ACSS3: variants seen among roughly 807,000 people sequenced by gnomAD.
The protein encoded by ACSS3 is acyl-CoA synthetase short chain family member 3, also known as acyl-CoA synthetase short-chain family member 3, mitochondrial.
A neutral mutation model predicts 84.2 loss-of-function variants in ACSS3; 64 were observed. That is an observed-to-expected ratio of 0.76 (90% confidence interval 0.62 to 0.94). ACSS3 has a LOEUF of 0.94. ACSS3 is among the 40% of genes least tolerant of loss of function. The pLI, the probability that ACSS3 is intolerant of heterozygous loss-of-function variation, is 0.00. For missense variants in ACSS3, 815 were observed against 867.6 expected (o/e 0.94, Z 0.76); for synonymous variants, 317 against 310.1 (o/e 1.02, Z -0.23).
chr12:81,144,852 T>C (rs1291866850), intron 5 of ACSS3, among the ~76,000 whole-genome samples: 5 of 151,740 alleles, frequency 3.3e-5, no homozygotes, highest in Non-Finnish European at 7.4e-5. Context: ...TGAAAAGTGG[T>C]TCCAAATAAG....
At chr12:81,141,691 A>T (rs1256252804) in intron 4 of ACSS3, among the ~76,000 whole-genome samples, 1 of 152,132 alleles carries the variant, frequency 6.6e-6, no homozygotes, top group African/African-American at 2.4e-5. Context: ...TGTGATCCTC[A>T]ATTTGATGTT....
In ACSS3 at chr12:81,174,956, C is replaced by T. The variant is rs374493855; in HGVS notation, c.1250+17C>T. The T allele has an allele frequency of 1.9e-6, 3 of 1,611,622 alleles. No individual in the cohort carries two copies. The highest frequency in any genetic ancestry group is 2.5e-6 in the Non-Finnish European group (3 of 1,178,538). The stretch of plus-strand genomic sequence containing the variant: ...TCTGACAAGGTGACGTTGGGATGCA[C>T]AGGGCAAATGACATTAGAAAGTGCA... On this transcript the variant is annotated intron_variant, in intron 8 of 15. Transcript: ENST00000548058.
chr12:81,223,440 C>CT (rs2033175078), intron 11 of ACSS3, among the ~76,000 whole-genome samples: 1 of 152,048 alleles, frequency 6.6e-6, no homozygotes. Context: ...TTCTTTTCAT[C>CT]TGGGTATCCT....
Position 81,152,011 on chromosome 12 carries a change from C to A in ACSS3, c.1013C>A (p.Ala338Glu), listed in dbSNP as rs766634948. 2 of 1,613,460 alleles carry A rather than the reference C, an allele frequency of 1.2e-6. No homozygotes were observed. Among genetic ancestry groups the A allele is most frequent in the Non-Finnish European group, 1.7e-6 (2 of 1,179,708 alleles). ...YGLQPGEVWW[A>E]ASDLGWVVGH... is the part of the protein sequence containing the mutation. The stretch of plus-strand genomic sequence containing the variant: ...TATCTTATTTTTTAGGTGTGGTGGG[C>A]AGCTTCTGACTTAGGCTGGGTTGTT... Residue 338 changes from alanine to glutamate, a missense_variant, in exon 7 of 16, where the codon GCA (alanine) becomes GAA (glutamate). Transcript: ENST00000548058.
chr12:81,192,464 C>A (rs1462308707), intron 8 of ACSS3, among the ~76,000 whole-genome samples: 1 of 152,162 alleles, frequency 6.6e-6, no homozygotes, highest in Non-Finnish European at 1.5e-5. Flanking sequence ...AATATCCCCA[C>A]AGAGTGGTTC....
At chr12:81,198,538 C>G (rs2031950298) in intron 8 of ACSS3, among the ~76,000 whole-genome samples, 1 of 151,114 alleles carries the variant, frequency 6.6e-6, no homozygotes, top group Non-Finnish European at 1.5e-5. Flanking sequence ...TCTTTGAACA[C>G]ACACACACAC....
In ACSS3 at chr12:81,231,313, G is replaced by A. The variant is rs761792910; in HGVS notation, c.1596+175G>A. ...GCCCAACTCATAATTATCTAAATAC[G>A]TCAATTTTATAGTTATTGTCAGTCT... On this transcript the variant is annotated intron_variant, in intron 12 of 15. Transcript: ENST00000548058. 4.0e-5 allele frequency among the ~76,000 whole-genome samples: 6 copies of A among 151,738 alleles called. 1 individual carries two copies. The highest frequency in any genetic ancestry group is 3.9e-4 in the East Asian group (2 of 5,134).
intron 8 of ACSS3, among the ~76,000 whole-genome samples, chr12:81,189,757 T>C (rs146164552): frequency 1.4e-3 from 215 of 152,278 alleles, no homozygotes; most frequent in African/African-American, 4.9e-3. Flanking sequence ...ATTTAAGACA[T>C]AGGTGTTTTT....
chr12:81,137,172 C>T (rs565510417), intron 3 of ACSS3, among the ~76,000 whole-genome samples: 2 of 150,172 alleles, frequency 1.3e-5, no homozygotes, highest in African/African-American at 4.9e-5. Flanking sequence ...TGAGTTAATG[C>T]CTATGAAGAA....
chr12:81,222,949 A>T (rs1324580593), intron 11 of ACSS3, among the ~76,000 whole-genome samples: 1 of 152,056 alleles, frequency 6.6e-6, no homozygotes, highest in Non-Finnish European at 1.5e-5. Context: ...TTAATTTAGT[A>T]AGAAAGTTAA....
In ACSS3 at chr12:81,179,725, C is replaced by T. The variant is rs559354786; in HGVS notation, c.1250+4786C>T. Among the ~76,000 whole-genome samples the T allele has an allele frequency of 1.3e-4, 19 of 148,946 alleles. 1 individual carries two copies. The South Asian group carries it at 3.4e-3, about 27-fold the overall frequency. ...GGTGGAGCTTGCAGTGAGCTGAGAT[C>T]GCGCCACTGCACTCCAGCACTCCAG... On this transcript the variant is annotated intron_variant, in intron 8 of 15. Coordinates refer to ENST00000548058, the MANE Select transcript of ACSS3 (RefSeq NM_024560.4).
chr12:81,078,576 A>C, intron 1 of ACSS3, 145 bp downstream of exon 1: 1 of 905,180 alleles, frequency 1.1e-6, no homozygotes, highest in Non-Finnish European at 1.7e-6. Context: ...TTCGTGTTTC[A>C]TTTCAATTTC....
At chr12:81,241,009 C>A (rs533371392) in intron 13 of ACSS3, among the ~76,000 whole-genome samples, 171 of 131,830 alleles carry the variant, frequency 1.3e-3, no homozygotes, top group Admixed American at 4.5e-3. Context: ...ACAACAGTCC[C>A]CATGTGTGAT....
At position 81,174,875 on chromosome 12, in the gene ACSS3, G is replaced by T; in HGVS notation, c.1186G>T (p.Ala396Ser). ...AGCTGCCTTGTTTACAGCACCAACT[G>T]CAATTAGAGCAATCCGTCAACAGGA... The part of the protein sequence containing the change: ...GVAALFTAPT[A>S]IRAIRQQDPG... The change falls in exon 8 of 16, where the codon GCA (alanine) becomes TCA (serine). Residue 396 changes from alanine to serine, a missense_variant. Physicochemically the swap from Ala to Ser is moderately conservative, Grantham distance 99 (BLOSUM62 1). Transcript: ENST00000548058. The T allele has an allele frequency of 6.2e-7, 1 of 1,613,960 alleles. No homozygotes were observed.
At chr12:81,235,160 A>C (rs1255083320) in intron 13 of ACSS3, among the ~76,000 whole-genome samples, 1 of 151,434 alleles carries the variant, frequency 6.6e-6, no homozygotes, top group Non-Finnish European at 1.5e-5. Context: ...TTGTTCCAGC[A>C]TCATTTGTTG....
intron 11 of ACSS3, among the ~76,000 whole-genome samples, chr12:81,225,334 C>A (rs2033237956): frequency 1.3e-5 from 2 of 151,666 alleles, no homozygotes; most frequent in Admixed American, 6.6e-5. Context: ...TTTAAGATAC[C>A]ACATCTTGTT....
At chr12:81,176,455 T>C (rs1191690393) in intron 8 of ACSS3, among the ~76,000 whole-genome samples, 2 of 151,984 alleles carry the variant, frequency 1.3e-5, no homozygotes, top group Admixed American at 6.6e-5. Context: ...TGACCTGTAG[T>C]CCCACCTACT....
chr12:81,252,766 A>G (rs1264044741), intron 13 of ACSS3, among the ~76,000 whole-genome samples: 1 of 152,116 alleles, frequency 6.6e-6, no homozygotes, highest in Admixed American at 6.5e-5. Context: ...GCTTCTCTCC[A>G]TATCCAGCCT....
chr12:81,080,448 C>T (rs866090056), intron 1 of ACSS3, among the ~76,000 whole-genome samples: 40 of 151,568 alleles, frequency 2.6e-4, no homozygotes, highest in Admixed American at 3.3e-4. Flanking sequence ...TTGATAACAC[C>T]GTATCTGAAT....
Sources: allele counts gnomAD v4.1 joint callset (sites outside exome capture counted in the v4.1 genomes callset), GRCh38; gene constraint gnomAD v4.1.1; transcripts MANE v1.5; gene names NCBI Gene and HGNC (gene_info 2026-07-23, HGNC 2026-07-21).